Variants in GALNT13 observed in about 807,000 individuals in gnomAD.
GALNT13 encodes the protein polypeptide N-acetylgalactosaminyltransferase 13.
Under a neutral mutation model 64.2 loss-of-function variants are expected in GALNT13, and 28 were observed. The ratio of observed to expected loss-of-function variants is 0.44; its 90% CI spans 0.32 to 0.60. The LOEUF is 0.60. GALNT13 is among the 20% of genes least tolerant of loss of function. GALNT13 has a pLI of 0.05. For synonymous variants in GALNT13, 214 were observed against 224.6 expected (o/e 0.95, Z 0.42); for missense variants, 577 against 669.8 (o/e 0.86, Z 1.53).
chr2:153,523,043 AT>A, the GALNT13 span, among the ~76,000 whole-genome samples: 1,078 of 83,350 alleles, frequency 0.013, 8 homozygotes, highest in African/African-American at 0.026. Context: ...TGTGTTTACT[AT>A]TTTTTTTTTT....
chr2:153,306,819 T>A, the GALNT13 span, among the ~76,000 whole-genome samples: 2 of 152,152 alleles, frequency 1.3e-5, no homozygotes, highest in African/African-American at 4.8e-5. Context: ...AGTGGCGTGA[T>A]CTCTGCTTCC....
the GALNT13 span, among the ~76,000 whole-genome samples, chr2:153,727,729 CT>C: frequency 1.2e-3 from 177 of 148,570 alleles, 2 homozygotes; most frequent in Middle Eastern, 3.4e-3. Context: ...CACTTTTTTT[CT>C]TTTTTTTTTA....
chr2:153,425,683 T>C, the GALNT13 span, among the ~76,000 whole-genome samples: 1 of 151,882 alleles, frequency 6.6e-6, no homozygotes, highest in Admixed American at 6.6e-5. Context: ...TTTTCAGTAA[T>C]GCTATACATG....
intron 4 of GALNT13, among the ~76,000 whole-genome samples, chr2:154,226,404 G>T (rs1244065420): frequency 6.6e-6 from 1 of 152,010 alleles, no homozygotes; most frequent in African/African-American, 2.4e-5. Flanking sequence ...GTAATGATGT[G>T]TAAATACCAG....
intron 3 of GALNT13, among the ~76,000 whole-genome samples, chr2:153,975,846 G>A (rs945594083): frequency 7.9e-5 from 12 of 151,972 alleles, no homozygotes; most frequent in African/African-American, 2.7e-4. Context: ...ACAAAAAAAC[G>A]GTAACTGTAA....
chr2:154,366,795 G>GA (rs1697387696), intron 9 of GALNT13, among the ~76,000 whole-genome samples: 1 of 152,114 alleles, frequency 6.6e-6, no homozygotes, highest in African/African-American at 2.4e-5. Flanking sequence ...AGGGAAGGCG[G>GA]AAAGTATAGT....
At chr2:153,418,973 G>A in the GALNT13 span, among the ~76,000 whole-genome samples, 2 of 152,276 alleles carry the variant, frequency 1.3e-5, no homozygotes, top group East Asian at 1.9e-4. Context: ...GTTTTTGAAT[G>A]AGAGTCTCTT....
At chr2:153,719,342 G>C in the GALNT13 span, among the ~76,000 whole-genome samples, 1 of 152,130 alleles carries the variant, frequency 6.6e-6, no homozygotes, top group African/African-American at 2.4e-5. Context: ...ACATTTTCCT[G>C]AGGGCTACAT....
At chr2:153,412,221 C>A in the GALNT13 span, among the ~76,000 whole-genome samples, 2 of 152,066 alleles carry the variant, frequency 1.3e-5, no homozygotes, top group Non-Finnish European at 2.9e-5. Flanking sequence ...CTCTAGGGAA[C>A]CCTGTTTAAT....
intron 4 of GALNT13, among the ~76,000 whole-genome samples, chr2:154,157,071 C>T (rs1027556774): frequency 5.3e-5 from 8 of 152,158 alleles, no homozygotes; most frequent in Non-Finnish European, 1.0e-4. Context: ...TTTTCCACTT[C>T]GTAAATTATT....
chr2:153,080,390 T>A, the GALNT13 span, among the ~76,000 whole-genome samples: 2 of 152,118 alleles, frequency 1.3e-5, no homozygotes, highest in Admixed American at 6.5e-5. Context: ...GATTTTATTA[T>A]AAAGAAATAC....
the GALNT13 span, among the ~76,000 whole-genome samples, chr2:153,645,300 A>G: frequency 3.1e-3 from 471 of 152,266 alleles, 6 homozygotes; most frequent in Non-Finnish European, 4.6e-3. Context: ...TATGCCTTTA[A>G]CAAACAGCAT....
At chr2:153,333,995 T>G in the GALNT13 span, among the ~76,000 whole-genome samples, 3 of 152,196 alleles carry the variant, frequency 2.0e-5, no homozygotes, top group African/African-American at 7.2e-5. Flanking sequence ...AGATATAATC[T>G]TAAAAGACAG....
the GALNT13 span, among the ~76,000 whole-genome samples, chr2:153,434,622 T>A: frequency 6.6e-6 from 1 of 152,220 alleles, no homozygotes; most frequent in Non-Finnish European, 1.5e-5. Context: ...TGCATAAATG[T>A]CTTCTTTTGA....
At chr2:153,174,374 A>G in the GALNT13 span, among the ~76,000 whole-genome samples, 4 of 152,092 alleles carry the variant, frequency 2.6e-5, no homozygotes, top group East Asian at 7.7e-4. Context: ...TTATGCTGAG[A>G]TGACTAATTG....
the GALNT13 span, among the ~76,000 whole-genome samples, chr2:153,218,592 C>A: frequency 6.6e-6 from 1 of 152,166 alleles, no homozygotes; most frequent in Non-Finnish European, 1.5e-5. Context: ...CAGGCCTGAA[C>A]TATGGGGAAT....
chr2:153,348,643 A>G, the GALNT13 span, among the ~76,000 whole-genome samples: 1 of 152,262 alleles, frequency 6.6e-6, no homozygotes. Flanking sequence ...AGAATGTCCC[A>G]GTTCTCACAT....
At chr2:153,736,295 T>C in the GALNT13 span, among the ~76,000 whole-genome samples, 35 of 152,156 alleles carry the variant, frequency 2.3e-4, no homozygotes, top group Non-Finnish European at 4.3e-4. Context: ...ATGTCCAAAT[T>C]ATCTCATATT....
chr2:153,990,214 A>G (rs1215307869), intron 3 of GALNT13, among the ~76,000 whole-genome samples: 1 of 152,112 alleles, frequency 6.6e-6, no homozygotes, highest in Non-Finnish European at 1.5e-5. Flanking sequence ...GACAATTAGT[A>G]GATGGTAGTG....
Sources: gnomAD v4.1 joint callset for allele counts (sites outside exome capture counted in the v4.1 genomes callset) on GRCh38, gnomAD v4.1.1 for gene constraint, MANE v1.5 for transcripts, NCBI Gene and HGNC (gene_info 2026-07-23, HGNC 2026-07-21) for gene names.